KAT6B: variants seen among roughly 807,000 people sequenced by gnomAD.
The protein encoded by KAT6B is lysine acetyltransferase 6B, also known as histone acetyltransferase KAT6B.
In KAT6B, 10 loss-of-function variants were observed where a neutral mutation model predicts 187.5. The ratio of observed to expected loss-of-function variants is 0.05; its 90% CI spans 0.03 to 0.09. KAT6B has a LOEUF of 0.09. KAT6B is among the 10% of genes least tolerant of loss of function. The pLI, the probability that KAT6B is intolerant of heterozygous loss-of-function variation, is 1.00. For synonymous variants in KAT6B, 861 were observed against 926.8 expected (o/e 0.93, Z 1.29); for missense variants, 1,952 against 2,558.9 (o/e 0.76, Z 5.12).
At chr10:74,984,962 T>A in intron 11 of KAT6B, 118 bp from the exon 12 acceptor site, 2 of 946,862 alleles carry the variant, frequency 2.1e-6, no homozygotes, top group East Asian at 5.2e-5. Flanking sequence ...TGTTTTAATC[T>A]CTCAGTTTAG....
chr10:74,849,267 C>T (rs945051322), intron 3 of KAT6B, among the ~76,000 whole-genome samples: 17 of 149,300 alleles, frequency 1.1e-4, no homozygotes, highest in Non-Finnish European at 2.1e-4. Flanking sequence ...TAGACGTGAG[C>T]TACTATGCCC....
chr10:74,903,543 A>T (rs929164484), intron 3 of KAT6B, among the ~76,000 whole-genome samples: 3 of 152,230 alleles, frequency 2.0e-5, no homozygotes, highest in African/African-American at 7.2e-5. Context: ...CAGGGACCTC[A>T]GTCCTACAAC....
In KAT6B at chr10:74,869,354, G is replaced by A. The variant is rs564090542; in HGVS notation, c.621+25876G>A. On this transcript the variant is annotated intron_variant, in intron 3 of 17. Transcript: ENST00000287239. Reference sequence around the variant, plus strand: ...TGTTGCCCACCCAGACTGGAGTGCAGCGGTGCGATCTCCCCTCAGTGCAAC... The same window carrying A: ...TGTTGCCCACCCAGACTGGAGTGCAACGGTGCGATCTCCCCTCAGTGCAAC... Among the ~76,000 whole-genome samples, 8 of 152,112 alleles carry A rather than the reference G, an allele frequency of 5.3e-5. No homozygotes were observed. The South Asian group carries it at 1.7e-3, about 32-fold the overall frequency.
At chr10:74,890,163 C>T (rs1331754594) in intron 3 of KAT6B, among the ~76,000 whole-genome samples, 1 of 152,092 alleles carries the variant, frequency 6.6e-6, no homozygotes, top group Non-Finnish European at 1.5e-5. Flanking sequence ...CTCAGCCTCC[C>T]CAGTAGCTGG....
chr10:74,980,380 AT>A (rs958684696), intron 10 of KAT6B, among the ~76,000 whole-genome samples: 2 of 151,854 alleles, frequency 1.3e-5, no homozygotes, highest in Non-Finnish European at 1.5e-5. Context: ...AATAGATCTT[AT>A]TTTTTTTCGT....
At chr10:74,976,473 A>C (rs1363285780) in intron 8 of KAT6B, 143 bp downstream of exon 8, 1 of 769,548 alleles carries the variant, frequency 1.3e-6, no homozygotes, top group Non-Finnish European at 2.2e-6. Flanking sequence ...ATACAGAAGC[A>C]GTGAAACTTT....
At chr10:74,980,798 G>A (rs963457348) in intron 10 of KAT6B, among the ~76,000 whole-genome samples, 8 of 152,168 alleles carry the variant, frequency 5.3e-5, no homozygotes, top group Non-Finnish European at 1.0e-4. Context: ...AGGGAAGAGA[G>A]GTGTTTGTCT....
rs748092117 is a variant in KAT6B, at chr10:74,963,861, C to G, written c.730+3783C>G. On this transcript the variant is annotated intron_variant, in intron 4 of 17. Coordinates refer to ENST00000287239, the MANE Select transcript of KAT6B (RefSeq NM_012330.4). ...AAAAGAGGCCAGGCGCTGTGGCTCA[C>G]GCCTGTAGTCCCAGCACTTTGGGAG... 2.0e-5 allele frequency among the ~76,000 whole-genome samples: 3 copies of G among 152,172 alleles called. No homozygotes were observed. The South Asian group carries it at 6.2e-4, about 32-fold the overall frequency.
chr10:74,943,240 A>C (rs1433138008), intron 3 of KAT6B, among the ~76,000 whole-genome samples: 1 of 152,248 alleles, frequency 6.6e-6, no homozygotes, highest in Non-Finnish European at 1.5e-5. Context: ...TACTATGAAA[A>C]TATATACAGA....
chr10:74,975,012 C>G (rs542888395), intron 7 of KAT6B, among the ~76,000 whole-genome samples: 2 of 152,334 alleles, frequency 1.3e-5, no homozygotes, highest in African/African-American at 4.8e-5. Flanking sequence ...ACACATATGA[C>G]TTATTTCCTC....
At chr10:74,908,125 A>C (rs1846912337) in intron 3 of KAT6B, among the ~76,000 whole-genome samples, 1 of 152,134 alleles carries the variant, frequency 6.6e-6, no homozygotes, top group South Asian at 2.1e-4. Context: ...AGAGTATGAG[A>C]GACCTGAACC....
intron 3 of KAT6B, among the ~76,000 whole-genome samples, chr10:74,911,510 C>G (rs575709068): frequency 2.0e-5 from 3 of 151,958 alleles, no homozygotes; most frequent in African/African-American, 7.3e-5. Flanking sequence ...TCAAGTGATC[C>G]GCCTGCTTCA....
At chr10:74,886,089 C>T (rs759013607) in intron 3 of KAT6B, among the ~76,000 whole-genome samples, 24 of 152,144 alleles carry the variant, frequency 1.6e-4, no homozygotes, top group Non-Finnish European at 2.8e-4. Context: ...GGGTTATCAT[C>T]AGGCTGTAAA....
chr10:74,959,639 A>C (rs954795511), intron 3 of KAT6B, among the ~76,000 whole-genome samples: 1 of 152,052 alleles, frequency 6.6e-6, no homozygotes, highest in Non-Finnish European at 1.5e-5. Flanking sequence ...AAATACAAAA[A>C]ATTAGCCAGG....
At chr10:74,829,507 C>T (rs1357185949) in intron 1 of KAT6B, among the ~76,000 whole-genome samples, 1 of 150,642 alleles carries the variant, frequency 6.6e-6, no homozygotes, top group Non-Finnish European at 1.5e-5. Flanking sequence ...GGCTGGAGTG[C>T]AGTGGCACGA....
rs1846186770 is a variant in KAT6B, at chr10:75,030,015, A to T, written c.5191A>T (p.Ser1731Cys). ...VTQQMSNISG[S>C]CSMLQQTSIS... ...CCAGCAGATGTCCAACATCAGCGGGAGCTGCAGCATGCTGCAGCAAACCAG... is the reference window on the plus strand; with the variant it reads ...CCAGCAGATGTCCAACATCAGCGGGTGCTGCAGCATGCTGCAGCAAACCAG... Residue 1731 changes from serine to cysteine, a missense_variant, in exon 18 of 18, where the codon AGC becomes TGC. Ser to Cys is a moderately radical substitution (Grantham distance 112). Coordinates refer to ENST00000287239, the MANE Select transcript of KAT6B (RefSeq NM_012330.4). This position sits in a 1 kb window ranked among gnomAD's most constrained non-coding sequence, Gnocchi z 4.8. The T allele has an allele frequency of 1.9e-6, 3 of 1,614,100 alleles. No individual in the cohort carries two copies. The East Asian group carries it at 6.7e-5, about 36-fold the overall frequency.
intron 10 of KAT6B, 105 bp downstream of exon 10, chr10:74,979,444 T>G: frequency 1.1e-6 from 1 of 869,710 alleles, no homozygotes; most frequent in Non-Finnish European, 1.9e-6. Context: ...AGGAAATAAA[T>G]TTTGGTAGTC....
chr10:74,981,574 A>G (rs1032567597), intron 10 of KAT6B, among the ~76,000 whole-genome samples: 5 of 152,084 alleles, frequency 3.3e-5, no homozygotes, highest in African/African-American at 1.2e-4. Flanking sequence ...AGGTTTCACC[A>G]TGTTGGCCAG....
At position 75,022,097 on chromosome 10, in the gene KAT6B, G is replaced by A. The variant is rs1564626220; in HGVS notation, c.3238G>A (p.Glu1080Lys). The A allele has an allele frequency of 6.3e-7, 1 of 1,583,428 alleles. No individual in the cohort carries two copies. Among genetic ancestry groups the A allele is most frequent in the Non-Finnish European group, 8.7e-7 (1 of 1,154,542 alleles). Reference protein sequence around the residue: ...EEEEEEEDEEEEEEEEEEEED... With the variant: ...EEEEEEEDEEKEEEEEEEEED... ...AGAAGAGGAGGAGGAGGACGAGGAG[G>A]AGGAAGAAGAGGAGGAAGAAGAGGA... The change falls in exon 16 of 18, where the codon GAG becomes AAG. Residue 1080 changes from glutamate (E) to lysine (K), a missense_variant. This residue lies in a region of KAT6B where 758 missense variants were observed against 891.4 expected (regional missense o/e 0.85). Transcript: ENST00000287239.
Sources: gnomAD v4.1 joint callset for allele counts (sites outside exome capture counted in the v4.1 genomes callset) on GRCh38, gnomAD v4.1.1 for gene constraint, gnomAD v4.1.1 regional missense constraint, Gnocchi (gnomAD v3.1) non-coding constraint, MANE v1.5 for transcripts, NCBI Gene and HGNC (gene_info 2026-07-23, HGNC 2026-07-21) for gene names.